Variants in TRAPPC9 observed in about 807,000 individuals in gnomAD.
The protein encoded by TRAPPC9 is IKK2 binding protein.
In TRAPPC9, 83 loss-of-function variants were observed where a neutral mutation model predicts 124.0. The observed-to-expected ratio is 0.67, with a 90% CI of 0.56 to 0.80. The LOEUF (loss-of-function observed/expected upper bound fraction) is 0.80, where lower values mean the gene tolerates loss of function less well. Ranked by LOEUF, TRAPPC9 falls within the 30% of genes least tolerant of loss-of-function variation. The pLI, the probability that TRAPPC9 is intolerant of heterozygous loss-of-function variation, is 0.00. For synonymous variants in TRAPPC9, 638 were observed against 617.5 expected (o/e 1.03, Z -0.49); for missense variants, 1,302 against 1,508.3 (o/e 0.86, Z 2.27).
At chr8:139,878,989 C>T (rs1829509697) in intron 21 of TRAPPC9, among the ~76,000 whole-genome samples, 1 of 152,216 alleles carries the variant, frequency 6.6e-6, no homozygotes, top group African/African-American at 2.4e-5. Context: ...AGAAACTTTT[C>T]CTTTTTGAAC....
intron 5 of TRAPPC9, among the ~76,000 whole-genome samples, chr8:140,417,389 A>G (rs980857576): frequency 6.6e-6 from 1 of 152,206 alleles, no homozygotes; most frequent in South Asian, 2.1e-4. Flanking sequence ...TCAAAAAGTA[A>G]GCAAAGGCGA....
At chr8:140,351,330 G>A (rs1483828526) in intron 9 of TRAPPC9, among the ~76,000 whole-genome samples, 1 of 150,186 alleles carries the variant, frequency 6.7e-6, no homozygotes, top group Non-Finnish European at 1.5e-5. Context: ...ACCGAGGATT[G>A]AAAATATTTG....
At chr8:139,775,514 G>A (rs751291324) in intron 21 of TRAPPC9, among the ~76,000 whole-genome samples, 5 of 152,354 alleles carry the variant, frequency 3.3e-5, no homozygotes, top group South Asian at 4.1e-4. Context: ...TTTCTGGGGC[G>A]CTGGGAAGTC....
In TRAPPC9 at chr8:140,017,058, C is replaced by T. The variant is rs150727193; in HGVS notation, c.2699+6879G>A. Among the ~76,000 whole-genome samples the T allele has an allele frequency of 2.4e-3, 358 of 152,206 alleles. 1 individual carries two copies. Among genetic ancestry groups the T allele is most frequent in the African/African-American group, 8.1e-3 (337 of 41,514 alleles). ...ATGATTAATAATGTTGAACACTTTT[C>T]GGAGATAACAGGTCATTTGAGAAAT... On this transcript the variant is annotated intron_variant, in intron 18 of 22. Coordinates refer to ENST00000438773, the MANE Select transcript of TRAPPC9 (RefSeq NM_001160372.4).
At chr8:140,367,384 A>G (rs937097685) in intron 8 of TRAPPC9, among the ~76,000 whole-genome samples, 10 of 152,232 alleles carry the variant, frequency 6.6e-5, no homozygotes, top group African/African-American at 2.4e-4. Context: ...GTAGAATATT[A>G]TTCAGCACTA....
rs188892471 is a variant in TRAPPC9 at position 140,275,859 on chromosome 8, A to G, written c.2115-38T>C. The G allele has an allele frequency of 1.6e-4, 246 of 1,543,834 alleles. 1 individual carries two copies. The African/African-American group carries it at 2.9e-3, about 18-fold the overall frequency. On this transcript the variant is annotated intron_variant, in intron 14 of 22. Transcript: ENST00000438773. ...GAAGAAATTTAAAGAAGAAAGAAGGAAGAAGCCAAGGCCATTTGAAAATTA... is the reference window on the plus strand; with the variant it reads ...GAAGAAATTTAAAGAAGAAAGAAGGGAGAAGCCAAGGCCATTTGAAAATTA...
intron 16 of TRAPPC9, among the ~76,000 whole-genome samples, chr8:140,244,705 A>G (rs2063936741): frequency 6.8e-6 from 1 of 146,984 alleles, no homozygotes; most frequent in Admixed American, 6.6e-5. Flanking sequence ...TAATTCCTTC[A>G]TGAAAACCTT....
chr8:140,298,498 CA>C (rs377278891), intron 11 of TRAPPC9, among the ~76,000 whole-genome samples: 3 of 152,164 alleles, frequency 2.0e-5, no homozygotes, highest in Middle Eastern at 3.4e-3. Context: ...ACAAAAAATA[CA>C]AAAATCAGTG....
At chr8:139,874,998 C>T (rs949005656) in intron 21 of TRAPPC9, among the ~76,000 whole-genome samples, 8 of 152,180 alleles carry the variant, frequency 5.3e-5, no homozygotes, top group Non-Finnish European at 1.0e-4. Flanking sequence ...GATGAGGGGA[C>T]GCTGGAAGTT....
intron 21 of TRAPPC9, among the ~76,000 whole-genome samples, chr8:139,824,445 G>C (rs547657901): frequency 6.6e-6 from 1 of 152,224 alleles, no homozygotes; most frequent in Non-Finnish European, 1.5e-5. Context: ...CACGTCGGGC[G>C]GTGGAGGAAA....
chr8:140,321,266 G>A (rs909610939), intron 9 of TRAPPC9, among the ~76,000 whole-genome samples: 59 of 152,234 alleles, frequency 3.9e-4, no homozygotes, highest in African/African-American at 1.3e-3. Context: ...CAGACCCTGA[G>A]GAGCCAGGTG....
intron 21 of TRAPPC9, among the ~76,000 whole-genome samples, chr8:139,796,127 AGAG>A (rs1431769440): frequency 2.8e-5 from 4 of 141,328 alleles, no homozygotes; most frequent in East Asian, 4.2e-4. Context: ...GGGAGGAGGA[AGAG>A]GAGAAGGAGG....
chr8:139,971,680 G>C (rs967925743), intron 19 of TRAPPC9, among the ~76,000 whole-genome samples: 1 of 151,262 alleles, frequency 6.6e-6, no homozygotes. Context: ...TTAACATGAG[G>C]AATCAATGGC....
chr8:140,273,754 C>G (rs1588069707), intron 15 of TRAPPC9, among the ~76,000 whole-genome samples: 1 of 152,212 alleles, frequency 6.6e-6, no homozygotes, highest in Non-Finnish European at 1.5e-5. Flanking sequence ...AGTCCCACTT[C>G]CGCTCTCGCC....
At chr8:140,365,884 T>A (rs980087873) in intron 8 of TRAPPC9, among the ~76,000 whole-genome samples, 1 of 152,230 alleles carries the variant, frequency 6.6e-6, no homozygotes, top group Non-Finnish European at 1.5e-5. Context: ...TTAAGCCTAG[T>A]ACCCATTAGT....
At chr8:140,303,760 C>T (rs1588125097) in intron 10 of TRAPPC9, among the ~76,000 whole-genome samples, 1 of 152,330 alleles carries the variant, frequency 6.6e-6, no homozygotes, top group East Asian at 1.9e-4. Flanking sequence ...TTGGGTGAGC[C>T]TAGTTCATGC....
At chr8:139,822,679 C>G (rs1183861871) in intron 21 of TRAPPC9, among the ~76,000 whole-genome samples, 1 of 152,206 alleles carries the variant, frequency 6.6e-6, no homozygotes, top group Non-Finnish European at 1.5e-5. Context: ...TGCCATCTGC[C>G]AGAGGCCTGC....
intron 21 of TRAPPC9, among the ~76,000 whole-genome samples, chr8:139,817,598 C>T (rs767561545): frequency 7.9e-5 from 12 of 152,238 alleles, no homozygotes; most frequent in Admixed American, 3.9e-4. Context: ...CCCGTGGATG[C>T]GTCCCGGCAG....
At chr8:139,950,884 CA>C (rs1447176992) in intron 19 of TRAPPC9, among the ~76,000 whole-genome samples, 1 of 152,234 alleles carries the variant, frequency 6.6e-6, no homozygotes, top group African/African-American at 2.4e-5. Context: ...AAACACATGG[CA>C]TGCGGCAAGA....
Sources: gnomAD v4.1 joint callset for allele counts (sites outside exome capture counted in the v4.1 genomes callset) on GRCh38, gnomAD v4.1.1 for gene constraint, MANE v1.5 for transcripts, NCBI Gene and HGNC (gene_info 2026-07-23, HGNC 2026-07-21) for gene names.